The following EDIL3 variants were observed in gnomAD, a reference collection of about 807,000 sequenced individuals.
EDIL3 encodes the protein EGF like and discoidin domains 3.
In EDIL3, 37 loss-of-function variants were observed where a neutral mutation model predicts 67.4. The ratio of observed to expected loss-of-function variants is 0.55; its 90% confidence interval spans 0.42 to 0.72. EDIL3 has a LOEUF of 0.72. Ranked by LOEUF, EDIL3 falls within the 30% of genes least tolerant of loss-of-function variation. The probability of loss-of-function intolerance (pLI) is 0.00; values close to 1 mark genes in which losing one functional copy is unlikely to be tolerated. For missense variants in EDIL3, 527 were observed against 586.3 expected, an observed-to-expected ratio of 0.90 and a Z score of 1.04; for synonymous variants, 195 against 196.3, an observed-to-expected ratio of 0.99 and a Z score of 0.05.
intron 9 of EDIL3, among the ~76,000 whole-genome samples, chr5:84,049,590 T>A (rs144068178): frequency 1.3e-5 from 2 of 152,222 alleles, no homozygotes; most frequent in African/African-American, 4.8e-5. Flanking sequence ...GAGTTAGGAA[T>A]GTCCAATTAG....
At chr5:84,051,682 T>C (rs989930682) in intron 9 of EDIL3, among the ~76,000 whole-genome samples, 1 of 152,176 alleles carries the variant, frequency 6.6e-6, no homozygotes, top group African/African-American at 2.4e-5. Context: ...CACTAGCCGA[T>C]TTGATCAACT....
chr5:84,161,375 A>G (rs1405948760), intron 4 of EDIL3, among the ~76,000 whole-genome samples: 3 of 152,086 alleles, frequency 2.0e-5, no homozygotes, highest in African/African-American at 7.2e-5. Context: ...GGGTCTAGTT[A>G]TCTGGACAAA....
chr5:84,203,882 T>C (rs1743902365), intron 3 of EDIL3, among the ~76,000 whole-genome samples: 1 of 152,206 alleles, frequency 6.6e-6, no homozygotes, highest in South Asian at 2.1e-4. Context: ...ATCACATCTG[T>C]AGAAACATTT....
chr5:84,351,987 G>A (rs909802397), intron 1 of EDIL3, among the ~76,000 whole-genome samples: 4 of 151,822 alleles, frequency 2.6e-5, no homozygotes, highest in African/African-American at 9.6e-5. Context: ...ACATGAACAG[G>A]CATATCTAAA....
chr5:84,384,433 G>T lies in EDIL3; in HGVS notation c.-59C>A. 6.3e-7 allele frequency: 1 copy of T among 1,578,016 alleles called. No homozygotes were observed. The highest frequency in any genetic ancestry group is 8.7e-7 in the Non-Finnish European group (1 of 1,150,800). On this transcript the variant is annotated 5_prime_UTR_variant, in exon 1 of 11. Coordinates refer to ENST00000296591, the MANE Select transcript of EDIL3 (RefSeq NM_005711.5). ...AGGGGTCGTCGCGGAGGGCAGTGTA[G>T]CCGAGGTGGCAGCGCAGGGCAGCAG...
intron 3 of EDIL3, among the ~76,000 whole-genome samples, chr5:84,205,063 C>T (rs577021968): frequency 4.4e-4 from 65 of 147,072 alleles, no homozygotes; most frequent in African/African-American, 1.6e-3. Context: ...CAGGCACATG[C>T]CACCATGCCC....
chr5:84,379,832 T>G (rs1748039329), intron 1 of EDIL3, among the ~76,000 whole-genome samples: 1 of 151,988 alleles, frequency 6.6e-6, no homozygotes, highest in African/African-American at 2.4e-5. Flanking sequence ...GAGTAGAAAG[T>G]TACTTTATGT....
At chr5:84,084,787 A>G (rs1057466890) in intron 6 of EDIL3, among the ~76,000 whole-genome samples, 1 of 152,342 alleles carries the variant, frequency 6.6e-6, no homozygotes, top group South Asian at 2.1e-4. Flanking sequence ...CAAGAACATT[A>G]TAAATGATAG....
chr5:84,072,345 AT>A, intron 6 of EDIL3, among the ~76,000 whole-genome samples: 1 of 152,206 alleles, frequency 6.6e-6, no homozygotes, highest in South Asian at 2.1e-4. Flanking sequence ...ATGAATATGG[AT>A]TTTAAACATA....
At chr5:84,348,990 A>T (rs1747297637) in intron 1 of EDIL3, among the ~76,000 whole-genome samples, 1 of 152,206 alleles carries the variant, frequency 6.6e-6, no homozygotes, top group South Asian at 2.1e-4. Context: ...GATACCTAAC[A>T]GCACTAGTCC....
chr5:83,993,016 T>C (rs772132917), intron 9 of EDIL3, among the ~76,000 whole-genome samples: 3 of 152,246 alleles, frequency 2.0e-5, no homozygotes, highest in East Asian at 1.9e-4. Context: ...CAAGTTGCTA[T>C]TGAGGAAGAT....
intron 9 of EDIL3, among the ~76,000 whole-genome samples, chr5:84,020,048 T>C (rs1478949556): frequency 7.6e-6 from 1 of 131,932 alleles, no homozygotes; most frequent in Admixed American, 8.9e-5. Flanking sequence ...TGAATATCAG[T>C]GCATTAAGAC....
chr5:84,105,082 G>C (rs1274988976), intron 6 of EDIL3, among the ~76,000 whole-genome samples: 4 of 152,010 alleles, frequency 2.6e-5, no homozygotes, highest in Admixed American at 1.3e-4. Context: ...TTCAACTAGA[G>C]TGATTAAAAA....
chr5:84,216,656 T>C (rs1335532649), intron 3 of EDIL3, among the ~76,000 whole-genome samples: 6 of 152,208 alleles, frequency 3.9e-5, no homozygotes, highest in Non-Finnish European at 2.9e-5. Context: ...TATTTGTTAA[T>C]TGTGAAAATT....
intron 10 of EDIL3, among the ~76,000 whole-genome samples, chr5:83,950,539 T>C (rs1197856526): frequency 6.6e-6 from 1 of 151,842 alleles, no homozygotes; most frequent in Non-Finnish European, 1.5e-5. Flanking sequence ...CTTTCTATTC[T>C]GATTCTTTGA....
At chr5:84,269,329 A>C (rs1192582338) in intron 1 of EDIL3, among the ~76,000 whole-genome samples, 1 of 152,174 alleles carries the variant, frequency 6.6e-6, no homozygotes, top group Non-Finnish European at 1.5e-5. Flanking sequence ...CCTTTTACAA[A>C]GTATTTATGA....
intron 4 of EDIL3, among the ~76,000 whole-genome samples, chr5:84,165,510 T>C (rs911506566): frequency 6.6e-6 from 1 of 152,118 alleles, no homozygotes; most frequent in African/African-American, 2.4e-5. Flanking sequence ...AATATTGCTC[T>C]TGAAGGATTC....
At chr5:84,131,478 C>G (rs1309857776) in intron 5 of EDIL3, among the ~76,000 whole-genome samples, 2 of 152,150 alleles carry the variant, frequency 1.3e-5, no homozygotes, top group Admixed American at 1.3e-4. Context: ...CTTTACCCTA[C>G]AAAAAACAGG....
At position 84,268,064 on chromosome 5, in the gene EDIL3, G is replaced by T. The variant is rs186593417; in HGVS notation, c.68-13852C>A. On this transcript the variant is annotated intron_variant, in intron 1 of 10. Transcript: ENST00000296591. ...AGGCAGGAGAATTGCTTGAACCCGG[G>T]AGGCAGAGGTTGCAGTGAGCCAAGA... 7.9e-3 allele frequency among the ~76,000 whole-genome samples: 1,201 copies of T among 152,262 alleles called. 6 individuals carry two copies. Among genetic ancestry groups the T allele is most frequent in the Middle Eastern group, 0.037 (11 of 294 alleles).
Sources: gnomAD v4.1 joint callset for allele counts (sites outside exome capture counted in the v4.1 genomes callset) on GRCh38, gnomAD v4.1.1 for gene constraint, MANE v1.5 for transcripts, NCBI Gene and HGNC (gene_info 2026-07-23, HGNC 2026-07-21) for gene names.